The following CPNE4 variants were observed in gnomAD, a reference collection of about 807,000 sequenced individuals.
CPNE4 encodes copine 4.
A neutral mutation model predicts 67.9 loss-of-function variants in CPNE4; 25 were observed. That is an observed-to-expected ratio of 0.37 (90% CI 0.27 to 0.51). CPNE4 has a LOEUF of 0.51. Among genes scored for constraint, CPNE4 ranks in the 20% least tolerant of loss-of-function variants. The pLI is 0.93. For synonymous variants in CPNE4, 242 were observed against 244.9 expected, an observed-to-expected ratio of 0.99 and a Z score of 0.11; for missense variants, 464 against 690.8, an observed-to-expected ratio of 0.67 and a Z score of 3.68.
intron 7 of CPNE4, among the ~76,000 whole-genome samples, chr3:131,652,575 G>T (rs1308658403): frequency 6.6e-6 from 1 of 151,902 alleles, no homozygotes; most frequent in Admixed American, 6.6e-5. Flanking sequence ...ATATTATTAA[G>T]TTAGAAAATT....
intron 2 of CPNE4, among the ~76,000 whole-genome samples, chr3:131,879,779 G>A (rs1213273509): frequency 1.3e-5 from 2 of 152,160 alleles, no homozygotes; most frequent in Admixed American, 6.5e-5. Flanking sequence ...GAATTTTCAA[G>A]CTTTGGAGAT....
intron 7 of CPNE4, among the ~76,000 whole-genome samples, chr3:131,610,242 A>C (rs1287985167): frequency 6.6e-6 from 1 of 152,212 alleles, no homozygotes; most frequent in African/African-American, 2.4e-5. Flanking sequence ...CAAGAAACAC[A>C]GATAAGTAAC....
chr3:132,019,948 C>T (rs887442335), intron 1 of CPNE4, among the ~76,000 whole-genome samples: 19 of 152,140 alleles, frequency 1.2e-4, no homozygotes, highest in African/African-American at 2.4e-4. Context: ...AAACTTGTGA[C>T]GCTCATTAAG....
At chr3:131,615,997 G>A (rs1452834556) in intron 7 of CPNE4, among the ~76,000 whole-genome samples, 2 of 151,022 alleles carry the variant, frequency 1.3e-5, no homozygotes, top group Admixed American at 1.3e-4. Context: ...CCTTCTGAGG[G>A]TTTCTCTCCA....
intron 7 of CPNE4, among the ~76,000 whole-genome samples, chr3:131,601,118 G>T (rs1939179301): frequency 6.6e-6 from 1 of 152,098 alleles, no homozygotes; most frequent in Non-Finnish European, 1.5e-5. Context: ...GGGTCATTCA[G>T]AATTCAATTC....
chr3:131,566,233 G>A (rs1937050668), intron 10 of CPNE4, among the ~76,000 whole-genome samples: 1 of 151,860 alleles, frequency 6.6e-6, no homozygotes, highest in Admixed American at 6.6e-5. Context: ...GGGAAGAATT[G>A]CCTGGAATAA....
intron 1 of CPNE4, among the ~76,000 whole-genome samples, chr3:131,948,787 G>GA (rs2071635104): frequency 6.6e-6 from 1 of 152,084 alleles, no homozygotes. Flanking sequence ...TTATTAAATT[G>GA]AAAACAACAA....
chr3:131,891,212 C>A (rs1274400348), intron 2 of CPNE4, among the ~76,000 whole-genome samples: 1 of 151,940 alleles, frequency 6.6e-6, no homozygotes, highest in African/African-American at 2.4e-5. Context: ...CCACACATAT[C>A]CAAACTTGCC....
chr3:131,922,820 G>A (rs2070777576), intron 1 of CPNE4, among the ~76,000 whole-genome samples: 1 of 152,236 alleles, frequency 6.6e-6, no homozygotes, highest in Admixed American at 6.5e-5. Flanking sequence ...CAAATATAGT[G>A]TATCCTCTAA....
At chr3:131,728,379 ATG>A (rs1410053576) in intron 2 of CPNE4, among the ~76,000 whole-genome samples, 4 of 152,176 alleles carry the variant, frequency 2.6e-5, no homozygotes, top group Non-Finnish European at 4.4e-5. Flanking sequence ...ATGTGAACCT[ATG>A]TAGTTAAGCT....
intron 2 of CPNE4, among the ~76,000 whole-genome samples, chr3:131,876,612 A>T (rs1390500221): frequency 6.8e-6 from 1 of 147,312 alleles, no homozygotes; most frequent in Non-Finnish European, 1.5e-5. Context: ...ATTGCACTCC[A>T]GCCTGGGCGA....
intron 15 of CPNE4, among the ~76,000 whole-genome samples, chr3:131,536,794 G>T (rs1188351069): frequency 6.6e-6 from 1 of 152,204 alleles, no homozygotes; most frequent in African/African-American, 2.4e-5. Flanking sequence ...AGGGTTGTGT[G>T]TTAGACCATG....
At chr3:131,953,915 A>C (rs1007747460) in intron 1 of CPNE4, among the ~76,000 whole-genome samples, 1 of 152,222 alleles carries the variant, frequency 6.6e-6, no homozygotes, top group African/African-American at 2.4e-5. Flanking sequence ...AACACAAAGA[A>C]AGGAAAACAT....
intron 15 of CPNE4, among the ~76,000 whole-genome samples, chr3:131,537,342 G>A (rs967908483): frequency 2.1e-5 from 3 of 144,832 alleles, no homozygotes; most frequent in Non-Finnish European, 3.0e-5. Flanking sequence ...GGAGTGCAGT[G>A]GTGCGATCTC....
At chr3:131,873,561 T>C (rs1457001013) in intron 2 of CPNE4, among the ~76,000 whole-genome samples, 7 of 152,244 alleles carry the variant, frequency 4.6e-5, no homozygotes, top group Non-Finnish European at 1.0e-4. Context: ...TTAGAGAAGA[T>C]AAAATTCTGT....
intron 7 of CPNE4, among the ~76,000 whole-genome samples, chr3:131,635,025 C>T (rs991860202): frequency 5.3e-5 from 8 of 152,102 alleles, no homozygotes; most frequent in South Asian, 2.1e-4. Flanking sequence ...GGTCTTTGAT[C>T]GGTGACTTAT....
At chr3:131,831,321 A>G (rs2085360191) in intron 2 of CPNE4, among the ~76,000 whole-genome samples, 1 of 152,156 alleles carries the variant, frequency 6.6e-6, no homozygotes, top group African/African-American at 2.4e-5. Flanking sequence ...AAAACAAAAT[A>G]TGTGCTTCCC....
At chr3:131,902,008 G>A (rs1054395223) in intron 2 of CPNE4, among the ~76,000 whole-genome samples, 2 of 151,984 alleles carry the variant, frequency 1.3e-5, no homozygotes, top group Non-Finnish European at 2.9e-5. Context: ...TAGGTTTTCA[G>A]TATTTGCAGC....
At chr3:131,539,876 CCTTTCCTCCATCTTAGACA>C (rs1935378747) in intron 15 of CPNE4, among the ~76,000 whole-genome samples, 1 of 152,054 alleles carries the variant, frequency 6.6e-6, no homozygotes, top group South Asian at 2.1e-4. Context: ...GGAAGAACAC[CCTTTCCTCCATCTTAGACA>C]CCTAGGGAGA....
Sources: allele counts gnomAD v4.1 joint callset (sites outside exome capture counted in the v4.1 genomes callset), GRCh38; gene constraint gnomAD v4.1.1; transcripts MANE v1.5; gene names NCBI Gene and HGNC (gene_info 2026-07-23, HGNC 2026-07-21).